Variants in ADAMTSL1 observed in about 807,000 individuals in gnomAD.
The protein encoded by ADAMTSL1 is ADAMTS like 1.
Under a neutral mutation model 201.8 loss-of-function variants are expected in ADAMTSL1, and 126 were observed. That is an observed-to-expected ratio of 0.62 (90% confidence interval 0.54 to 0.72). The LOEUF (loss-of-function observed/expected upper bound fraction) is 0.72. Among genes scored for constraint, ADAMTSL1 ranks in the 30% least tolerant of loss-of-function variants. The probability of loss-of-function intolerance (pLI) is 0.00; values close to 1 mark genes in which losing one functional copy is unlikely to be tolerated. For missense variants in ADAMTSL1, 2,679 were observed against 2,277.8 expected, an observed-to-expected ratio of 1.18 and a Z score of -3.59; for synonymous variants, 1,121 against 903.4, an observed-to-expected ratio of 1.24 and a Z score of -4.32.
At chr9:18,218,527 A>G (rs1334008046) in intron 2 of ADAMTSL1, among the ~76,000 whole-genome samples, 1 of 152,212 alleles carries the variant, frequency 6.6e-6, no homozygotes, top group African/African-American at 2.4e-5. Context: ...TTTGATTACA[A>G]AGGATGCTGG....
intron 13 of ADAMTSL1, among the ~76,000 whole-genome samples, chr9:18,699,343 G>C (rs1347334893): frequency 7.6e-6 from 1 of 131,042 alleles, no homozygotes; most frequent in East Asian, 2.4e-4. Flanking sequence ...TTTTTTTTGA[G>C]AGACTGGGTC....
At chr9:18,117,777 T>C (rs1479987117) in intron 1 of ADAMTSL1, among the ~76,000 whole-genome samples, 1 of 152,214 alleles carries the variant, frequency 6.6e-6, no homozygotes, top group Non-Finnish European at 1.5e-5. Context: ...ACATAATAAA[T>C]ACTCAATATT....
chr9:18,887,221 C>G (rs546009362), intron 23 of ADAMTSL1, among the ~76,000 whole-genome samples: 3 of 152,266 alleles, frequency 2.0e-5, no homozygotes, highest in South Asian at 2.1e-4. Flanking sequence ...TTTATTATAT[C>G]AAAATATGTT....
chr9:18,781,512 G>A (rs758050821), intron 19 of ADAMTSL1, among the ~76,000 whole-genome samples: 9 of 152,254 alleles, frequency 5.9e-5, no homozygotes, highest in Non-Finnish European at 1.3e-4. Context: ...TAAGAAAAGA[G>A]TGAATGTATC....
chr9:18,723,173 C>T (rs1817651173), intron 15 of ADAMTSL1: 3 of 713,158 alleles, frequency 4.2e-6, no homozygotes, highest in Admixed American at 4.0e-5. Flanking sequence ...CTGGTTGTAC[C>T]TGATGATCTG....
chr9:18,742,163 G>A (rs1818868709), intron 15 of ADAMTSL1, among the ~76,000 whole-genome samples: 1 of 152,006 alleles, frequency 6.6e-6, no homozygotes. Context: ...CTCCATAAAG[G>A]CCCTATTTCT....
chr9:18,171,695 T>C (rs1827897175), intron 2 of ADAMTSL1, among the ~76,000 whole-genome samples: 1 of 152,144 alleles, frequency 6.6e-6, no homozygotes, highest in Admixed American at 6.5e-5. Flanking sequence ...CAGATCCCAT[T>C]TGTCTATTTT....
At chr9:17,952,985 C>G (rs1170233716) in intron 1 of ADAMTSL1, among the ~76,000 whole-genome samples, 5 of 148,916 alleles carry the variant, frequency 3.4e-5, no homozygotes, top group African/African-American at 9.9e-5. Flanking sequence ...TTTATTTGGA[C>G]CTTGACTCTT....
chr9:18,164,337 G>T (rs1827539841), intron 2 of ADAMTSL1, among the ~76,000 whole-genome samples: 1 of 151,906 alleles, frequency 6.6e-6, no homozygotes, highest in African/African-American at 2.4e-5. Flanking sequence ...AGCCCAGATT[G>T]TTTTATGGGT....
chr9:18,482,329 A>G (rs1371538199), intron 1 of ADAMTSL1, among the ~76,000 whole-genome samples: 2 of 152,182 alleles, frequency 1.3e-5, no homozygotes, highest in South Asian at 4.1e-4. Context: ...TTGTTTAAAG[A>G]AATAAGTGGT....
At chr9:18,304,502 T>C (rs1200097857) in intron 2 of ADAMTSL1, among the ~76,000 whole-genome samples, 1 of 152,064 alleles carries the variant, frequency 6.6e-6, no homozygotes, top group African/African-American at 2.4e-5. Context: ...TTGGAATCAA[T>C]AATTAGTGGA....
chr9:18,046,456 A>G (rs1394349095), intron 1 of ADAMTSL1, among the ~76,000 whole-genome samples: 1 of 152,176 alleles, frequency 6.6e-6, no homozygotes, highest in African/African-American at 2.4e-5. Flanking sequence ...ATGACCAAAA[A>G]GTTGCATTAT....
At chr9:18,355,205 T>G (rs1836166322) in intron 2 of ADAMTSL1, among the ~76,000 whole-genome samples, 1 of 152,162 alleles carries the variant, frequency 6.6e-6, no homozygotes, top group African/African-American at 2.4e-5. Flanking sequence ...TGTTCTCCCT[T>G]TCTCAGGCAG....
chr9:18,077,244 A>G (rs34743163), intron 1 of ADAMTSL1, among the ~76,000 whole-genome samples: 1 of 152,352 alleles, frequency 6.6e-6, no homozygotes, highest in East Asian at 1.9e-4. Flanking sequence ...GGTAGTTATC[A>G]CTATACAAAT....
intron 2 of ADAMTSL1, among the ~76,000 whole-genome samples, chr9:18,304,812 T>C (rs563053385): frequency 1.3e-5 from 2 of 152,204 alleles, no homozygotes; most frequent in Non-Finnish European, 2.9e-5. Flanking sequence ...CTCATGGGTC[T>C]AAATTAGGAA....
chr9:17,987,825 C>T (rs1038497189), intron 1 of ADAMTSL1, among the ~76,000 whole-genome samples: 3 of 152,044 alleles, frequency 2.0e-5, no homozygotes, highest in African/African-American at 7.2e-5. Flanking sequence ...CAGACTCAGT[C>T]AGCAGTTGAG....
chr9:18,547,009 C>G (rs543521357), intron 3 of ADAMTSL1, among the ~76,000 whole-genome samples: 1 of 152,208 alleles, frequency 6.6e-6, no homozygotes, highest in Non-Finnish European at 1.5e-5. Flanking sequence ...CAATAAATGT[C>G]TATTCTGTAC....
At chr9:18,657,924 A>G (rs898153080) in intron 8 of ADAMTSL1, among the ~76,000 whole-genome samples, 174 bp downstream of exon 8, 3 of 152,048 alleles carry the variant, frequency 2.0e-5, no homozygotes, top group African/African-American at 7.2e-5. Context: ...ACCTCCGCCA[A>G]GATGCCAAAG....
chr9:18,820,448 C>A lies in ADAMTSL1; in HGVS notation c.3934+3211C>A, dbSNP rs181154437. On this transcript the variant is annotated intron_variant, in intron 21 of 28. Transcript: ENST00000380548. ...AGAGTCCAAAAAGGAAAGAAAACAG[C>A]TTGTTCAAAGTCGTTCTCTCCAAAC... is the stretch of plus-strand genomic sequence containing the variant. Among the ~76,000 whole-genome samples, 444 of 152,228 alleles carry A rather than the reference C, an allele frequency of 2.9e-3. 3 individuals are homozygous for A. Among genetic ancestry groups the A allele is most frequent in the African/African-American group, 0.01 (419 of 41,546 alleles).
Sources: allele counts gnomAD v4.1 joint callset (sites outside exome capture counted in the v4.1 genomes callset), GRCh38; gene constraint gnomAD v4.1.1; transcripts MANE v1.5; gene names NCBI Gene and HGNC (gene_info 2026-07-23, HGNC 2026-07-21).